SCIN: variants seen among roughly 807,000 people sequenced by gnomAD.
The protein encoded by SCIN is adseverin.
A neutral mutation model predicts 91.8 loss-of-function variants in SCIN; 91 were observed. The observed-to-expected ratio is 0.99, with a 90% confidence interval of 0.84 to 1.18. The LOEUF (loss-of-function observed/expected upper bound fraction) is 1.18. Ranked by LOEUF, SCIN falls within the 50% of genes most tolerant of loss-of-function variation. The pLI, the probability that SCIN is intolerant of heterozygous loss-of-function variation, is 0.00. For missense variants in SCIN, 1,087 were observed against 863.9 expected, an observed-to-expected ratio of 1.26 and a Z score of -3.24; for synonymous variants, 367 against 312.6, an observed-to-expected ratio of 1.17 and a Z score of -1.84.
At chr7:12,597,206 G>C (rs1050123295) in intron 3 of SCIN, among the ~76,000 whole-genome samples, 1 of 152,180 alleles carries the variant, frequency 6.6e-6, no homozygotes, top group Non-Finnish European at 1.5e-5. Flanking sequence ...AAGGTTCGTG[G>C]AGTTATCTCA....
At chr7:12,629,021 C>A in intron 8 of SCIN, 80 bp from the exon 9 acceptor site, 46 of 1,238,784 alleles carry the variant, frequency 3.7e-5, no homozygotes, top group South Asian at 3.0e-4. Context: ...GGATTTGAAC[C>A]AAAAATTATT....
In SCIN at chr7:12,649,475, G is replaced by C. The variant is rs1211100118; in HGVS notation, c.1890G>C (p.Glu630Asp). The change falls in exon 14 of 16, where the codon GAG (glutamate) becomes GAC (aspartate). Residue 630 changes from glutamate (E) to aspartate (D), a missense_variant. Glu to Asp is a conservative substitution (Grantham distance 45, BLOSUM62 2). Coordinates refer to ENST00000297029, the MANE Select transcript of SCIN (RefSeq NM_001112706.3). Reference protein sequence around the residue: ...SNKTGRFVIEEIPGEFTQDDL... With the variant: ...SNKTGRFVIEDIPGEFTQDDL... ...CTTTTTATACCTTTCAGATTGAAGA[G>C]ATTCCAGGAGAGTTCACCCAGGATG... 4.4e-6 allele frequency: 7 copies of C among 1,594,820 alleles called. No individual in the cohort carries two copies. The highest frequency in any genetic ancestry group is 6.0e-6 in the Non-Finnish European group (7 of 1,169,742).
At chr7:12,582,057 C>G (rs1782498778) in intron 3 of SCIN, among the ~76,000 whole-genome samples, 1 of 152,170 alleles carries the variant, frequency 6.6e-6, no homozygotes, top group African/African-American at 2.4e-5. Context: ...TTCTAATTAT[C>G]ATTCCTAACA....
chr7:12,585,587 T>G (rs1782570898), intron 3 of SCIN, among the ~76,000 whole-genome samples: 1 of 152,162 alleles, frequency 6.6e-6, no homozygotes. Context: ...ATCTAGAAAA[T>G]GATTTCTTCT....
At chr7:12,573,072 G>T (rs1395974853) in intron 1 of SCIN, among the ~76,000 whole-genome samples, 1 of 152,148 alleles carries the variant, frequency 6.6e-6, no homozygotes, top group African/African-American at 2.4e-5. Context: ...GAGAAAAAAA[G>T]CTTCAAGTAA....
intron 8 of SCIN, among the ~76,000 whole-genome samples, chr7:12,628,061 G>T (rs1783567017): frequency 6.7e-6 from 1 of 149,886 alleles, no homozygotes; most frequent in Admixed American, 6.6e-5. Flanking sequence ...GTGTGTGTGT[G>T]TGTGTTTGCT....
chr7:12,648,311 T>G (rs1784006679), intron 13 of SCIN, among the ~76,000 whole-genome samples: 1 of 150,838 alleles, frequency 6.6e-6, no homozygotes, highest in Non-Finnish European at 1.5e-5. Context: ...TTTTTTTTTT[T>G]TCTGAGACGG....
At chr7:12,641,156 T>C (rs1385366101) in intron 11 of SCIN, among the ~76,000 whole-genome samples, 1 of 152,216 alleles carries the variant, frequency 6.6e-6, no homozygotes, top group Non-Finnish European at 1.5e-5. Context: ...CTGCCTGGCA[T>C]GCTCTGCATA....
At chr7:12,602,160 T>C (rs1350080056) in intron 3 of SCIN, among the ~76,000 whole-genome samples, 2 of 152,180 alleles carry the variant, frequency 1.3e-5, no homozygotes, top group African/African-American at 4.8e-5. Context: ...ATTTTACAAC[T>C]GGGCCTCCAG....
chr7:12,644,996 G>A (rs1200069320), intron 13 of SCIN, among the ~76,000 whole-genome samples: 6 of 117,050 alleles, frequency 5.1e-5, no homozygotes, highest in Middle Eastern at 7.9e-3. Flanking sequence ...CTCCAGCCTG[G>A]GCAACAAGAG....
intron 11 of SCIN, among the ~76,000 whole-genome samples, chr7:12,643,212 A>G (rs1783890647): frequency 6.6e-6 from 1 of 152,046 alleles, no homozygotes; most frequent in Non-Finnish European, 1.5e-5. Flanking sequence ...ACCTCTCTGA[A>G]ATGCACCAGT....
At chr7:12,631,011 A>G (rs1050092349) in intron 9 of SCIN, among the ~76,000 whole-genome samples, 8 of 152,206 alleles carry the variant, frequency 5.3e-5, no homozygotes, top group African/African-American at 1.9e-4. Context: ...TTTGAATATG[A>G]AAAACATAAT....
chr7:12,649,048 A>T (rs1336467468), intron 13 of SCIN, among the ~76,000 whole-genome samples: 1 of 152,112 alleles, frequency 6.6e-6, no homozygotes, highest in East Asian at 1.9e-4. Context: ...GTACTTTCTT[A>T]CTCTGTGAGG....
rs1367388251 is a variant in SCIN at position 12,654,030 on chromosome 7, G to C, written c.*1315G>C. On this transcript the variant is annotated 3_prime_UTR_variant, in exon 16 of 16. Coordinates refer to ENST00000297029, the MANE Select transcript of SCIN (RefSeq NM_001112706.3). ...CTAATCTATATAGGTCATTGAAAAAGAAGAAGCTACGTTAGAACCCATGGA... is the reference window on the plus strand; with the variant it reads ...CTAATCTATATAGGTCATTGAAAAACAAGAAGCTACGTTAGAACCCATGGA... 1.3e-5 allele frequency: 2 copies of C among 152,030 alleles called. No individual in the cohort carries two copies. The highest frequency in any genetic ancestry group is 4.8e-5 in the African/African-American group (2 of 41,380). 9.4% of individuals were successfully genotyped at this position (152,030 alleles called of 1,614,324 possible). A position where few individuals can be genotyped will look rare whatever the true frequency, so the allele number is the denominator to read the frequency against.
At chr7:12,629,011 G>T in intron 8 of SCIN, 90 bp from the exon 9 acceptor site, 1 of 1,130,166 alleles carries the variant, frequency 8.8e-7, no homozygotes, top group Non-Finnish European at 1.2e-6. Flanking sequence ...GTTTAATAAT[G>T]GATTTGAACC....
intron 4 of SCIN, among the ~76,000 whole-genome samples, chr7:12,609,819 G>A (rs1264206942): frequency 2.6e-5 from 4 of 152,046 alleles, no homozygotes; most frequent in East Asian, 1.9e-4. Flanking sequence ...TTATAAAAAT[G>A]ACTGTAAGGC....
rs780938769 is a variant in SCIN at position 12,649,448 on chromosome 7, A to T, written c.1882-19A>T. The T allele has an allele frequency of 2.6e-6, 4 of 1,549,076 alleles. No homozygotes were observed. The Admixed American group carries it at 5.7e-5, about 22-fold the overall frequency. On this transcript the variant is annotated intron_variant, in intron 13 of 15. Coordinates refer to ENST00000297029, the MANE Select transcript of SCIN (RefSeq NM_001112706.3). Reference sequence around the variant, plus strand: ...TTACTGCTTTACTTTTTGCTCATATAGCTTTTTATACCTTTCAGATTGAAG... The same window carrying T: ...TTACTGCTTTACTTTTTGCTCATATTGCTTTTTATACCTTTCAGATTGAAG...
chr7:12,600,625 G>T (rs984436853), intron 3 of SCIN, among the ~76,000 whole-genome samples: 2 of 152,144 alleles, frequency 1.3e-5, no homozygotes, highest in Non-Finnish European at 2.9e-5. Flanking sequence ...ATTAGTTTGG[G>T]CTCAGCAGAA....
chr7:12,639,698 C>CT (rs1203917609), intron 10 of SCIN, among the ~76,000 whole-genome samples: 1 of 151,362 alleles, frequency 6.6e-6, no homozygotes, highest in Non-Finnish European at 1.5e-5. Flanking sequence ...TTTAAAGTTT[C>CT]TTATATTGAG....
Sources: allele counts gnomAD v4.1 joint callset (sites outside exome capture counted in the v4.1 genomes callset), GRCh38; gene constraint gnomAD v4.1.1; transcripts MANE v1.5; gene names NCBI Gene and HGNC (gene_info 2026-07-23, HGNC 2026-07-21).